Variants in ETV1 observed in about 807,000 individuals in gnomAD.
The protein encoded by ETV1 is ETS variant transcription factor 1, also known as ETS translocation variant 1.
Under a neutral mutation model 62.3 loss-of-function variants are expected in ETV1, and 27 were observed. The observed-to-expected ratio is 0.43, with a 90% CI of 0.32 to 0.60. The LOEUF (loss-of-function observed/expected upper bound fraction) is 0.60, where lower values mean the gene tolerates loss of function less well. ETV1 is among the 20% of genes least tolerant of loss of function. The pLI, the probability that ETV1 is intolerant of heterozygous loss-of-function variation, is 0.06. For missense variants in ETV1, 605 were observed against 605.8 expected (o/e 1.00, Z 0.01); for synonymous variants, 222 against 199.6 (o/e 1.11, Z -0.94).
chr7:13,925,589 A>G (rs1785318762), intron 9 of ETV1, among the ~76,000 whole-genome samples: 1 of 148,970 alleles, frequency 6.7e-6, no homozygotes, highest in Admixed American at 6.7e-5. Flanking sequence ...TTTTTGAGAC[A>G]GAGTCTCGCT....
intron 6 of ETV1, among the ~76,000 whole-genome samples, chr7:13,958,467 C>T (rs1254016752): frequency 1.3e-5 from 2 of 152,184 alleles, no homozygotes; most frequent in African/African-American, 4.8e-5. Context: ...GCCCTCCCCT[C>T]ATCACTGGGT....
intron 5 of ETV1, among the ~76,000 whole-genome samples, chr7:13,981,137 C>T (rs577090229): frequency 1.3e-5 from 2 of 151,956 alleles, no homozygotes; most frequent in Admixed American, 1.3e-4. Flanking sequence ...ACAAATAAAA[C>T]AAACGTCAAG....
In ETV1 at chr7:13,893,386, G is replaced by T. The variant is rs1781510587; in HGVS notation, c.*2480C>A. 4.3e-6 allele frequency: 1 copy of T among 230,668 alleles called. No homozygotes were observed. Among genetic ancestry groups the T allele is most frequent in the Admixed American group, 5.7e-5 (1 of 17,688 alleles). 14.3% of individuals were successfully genotyped at this position (230,668 alleles called of 1,614,324 possible). On this transcript the variant is annotated 3_prime_UTR_variant, in exon 14 of 14. Transcript: ENST00000430479. ...AATTTTAGATACATTTTTCAAAAGA[G>T]TTTATAATGTAATATTTTCAACCCT... is the stretch of plus-strand genomic sequence containing the variant.
chr7:13,972,070 A>T (rs1028641803), intron 6 of ETV1, among the ~76,000 whole-genome samples: 1 of 152,132 alleles, frequency 6.6e-6, no homozygotes, highest in African/African-American at 2.4e-5. Context: ...AGATCGTGCC[A>T]CTGCACTCCA....
Position 13,906,677 on chromosome 7 carries a change from C to G in ETV1, c.941-78G>C, listed in dbSNP as rs577940730. The stretch of plus-strand genomic sequence containing the variant: ...CATAAAATGTACATTAAATCAATCA[C>G]TAATATGGTTAAACCACAATCAACC... On this transcript the variant is annotated intron_variant, in intron 11 of 13. Transcript: ENST00000430479. 2.0e-5 allele frequency: 22 copies of G among 1,104,370 alleles called. No individual in the cohort carries two copies. The East Asian group carries it at 4.4e-4, about 22-fold the overall frequency. The allele number at this position is 1,104,370 out of a possible 1,614,324, so 68.4% of individuals were successfully genotyped here.
At position 13,895,803 on chromosome 7, in the gene ETV1, A is replaced by C. The variant is rs1369213113; in HGVS notation, c.*63T>G. 12 of 1,048,734 alleles carry C rather than the reference A, an allele frequency of 1.1e-5. No individual in the cohort carries two copies. The highest frequency in any genetic ancestry group is 1.7e-5 in the Non-Finnish European group (12 of 697,738). The allele number at this position is 1,048,734 out of a possible 1,614,324, so 65.0% of individuals were successfully genotyped here. On this transcript the variant is annotated 3_prime_UTR_variant, in exon 14 of 14. Coordinates refer to ENST00000430479, the MANE Select transcript of ETV1 (RefSeq NM_004956.5). ...ACAGAAATAAAACAAAGATTCAGCA[A>C]TTCTCTGTATCTTGCAGAAAAAAGG...
At chr7:13,986,145 A>G in intron 5 of ETV1, 1 of 1,593,846 alleles carries the variant, frequency 6.3e-7, no homozygotes, top group East Asian at 2.2e-5. Context: ...ACAAGGTGGA[A>G]AGAAGACACT....
chr7:13,899,508 T>G (rs935916781), intron 13 of ETV1, among the ~76,000 whole-genome samples: 2 of 152,216 alleles, frequency 1.3e-5, no homozygotes, highest in African/African-American at 2.4e-5. Context: ...TTCGCTGCTC[T>G]AATAAGCTTC....
At chr7:13,903,526 G>A (rs2128410312) in intron 12 of ETV1, among the ~76,000 whole-genome samples, 1 of 152,080 alleles carries the variant, frequency 6.6e-6, no homozygotes, top group East Asian at 1.9e-4. Context: ...ACTCTGGGAG[G>A]CTGAGGTGGG....
intron 7 of ETV1, among the ~76,000 whole-genome samples, chr7:13,938,891 G>C (rs1296092157): frequency 2.0e-5 from 3 of 152,160 alleles, no homozygotes; most frequent in African/African-American, 7.2e-5. Flanking sequence ...CACTACAGTA[G>C]AAAAGCAACT....
chr7:13,953,786 A>AT (rs1789098950), intron 6 of ETV1, among the ~76,000 whole-genome samples: 1 of 152,160 alleles, frequency 6.6e-6, no homozygotes, highest in Admixed American at 6.5e-5. Flanking sequence ...GGCAATCTGT[A>AT]TAGATCTCTA....
intron 9 of ETV1, among the ~76,000 whole-genome samples, chr7:13,916,553 G>T (rs1209191651): frequency 6.6e-6 from 1 of 152,062 alleles, no homozygotes; most frequent in Non-Finnish European, 1.5e-5. Flanking sequence ...CAGGAGAATC[G>T]CTTGAACCCA....
intron 13 of ETV1, among the ~76,000 whole-genome samples, chr7:13,896,697 A>AGAGAAAGAAAGAAAG (rs1781821273): frequency 2.0e-5 from 3 of 151,152 alleles, no homozygotes; most frequent in Non-Finnish European, 4.4e-5. Context: ...GAAAAGAGAG[A>AGAGAAAGAAAGAAAG]GAGAAAGAAA....
Position 13,939,147 on chromosome 7 carries a change from C to G in ETV1, c.335G>C (p.Ser112Thr), listed in dbSNP as rs1446300469. 6.2e-7 allele frequency: 1 copy of G among 1,613,290 alleles called. No homozygotes were observed. The highest frequency in any genetic ancestry group is 8.5e-7 in the Non-Finnish European group (1 of 1,179,674). The change falls in exon 7 of 14, where the codon AGC (serine) becomes ACC (threonine). Residue 112 changes from serine (S) to threonine (T), a missense_variant. Transcript: ENST00000430479. ...ACSQEQPFKF[S>T]YGEKCLYNVS... ...ATTGTACAGGCACTTTTCTCCATAG[C>G]TGAATTTAAAGGGCTGTTCTTGACT...
At chr7:13,958,767 A>G (rs1789799153) in intron 6 of ETV1, 1 of 152,190 alleles carries the variant, frequency 6.6e-6, no homozygotes, top group African/African-American at 2.4e-5. Context: ...TTCTCACCAA[A>G]AGAAAGAGAT....
intron 9 of ETV1, among the ~76,000 whole-genome samples, chr7:13,930,449 G>A (rs1785959448): frequency 6.6e-6 from 1 of 152,018 alleles, no homozygotes; most frequent in African/African-American, 2.4e-5. Context: ...AGCCTACCAA[G>A]TAGCTGGGAC....
At chr7:13,896,495 G>A (rs529967349) in intron 13 of ETV1, among the ~76,000 whole-genome samples, 116 of 152,058 alleles carry the variant, frequency 7.6e-4, no homozygotes, top group African/African-American at 2.1e-3. Context: ...AAGGTACACT[G>A]TCCCTCTTAA....
chr7:13,892,303 G>A lies in ETV1; in HGVS notation c.*3563C>T, dbSNP rs1781436169. 1 of 232,406 alleles carries A rather than the reference G, an allele frequency of 4.3e-6. No individual in the cohort carries two copies. Among genetic ancestry groups the A allele is most frequent in the South Asian group, 1.8e-4 (1 of 5,524 alleles). 14.4% of individuals were successfully genotyped at this position (232,406 alleles called of 1,614,324 possible). On this transcript the variant is annotated 3_prime_UTR_variant, in exon 14 of 14. Transcript: ENST00000430479. ...TAGTGTTTTCCTGGGGGCTGGGGAA[G>A]GATTTGAATAATCTAAAGGCTTGAT...
intron 4 of ETV1, 94 bp downstream of exon 4, chr7:13,987,992 T>C: frequency 2.8e-6 from 2 of 717,776 alleles, no homozygotes; most frequent in Non-Finnish European, 4.9e-6. Context: ...CAAAGTTTAT[T>C]ATTTTTAAGA....
Sources: allele counts gnomAD v4.1 joint callset (sites outside exome capture counted in the v4.1 genomes callset), GRCh38; gene constraint gnomAD v4.1.1; transcripts MANE v1.5; gene names NCBI Gene and HGNC (gene_info 2026-07-23, HGNC 2026-07-21).